Variants in SNTG1 observed in about 807,000 individuals in gnomAD.
The protein encoded by SNTG1 is syntrophin gamma 1, also known as gamma-1-syntrophin.
Under a neutral mutation model 74.7 loss-of-function variants are expected in SNTG1, and 39 were observed. That is an observed-to-expected ratio of 0.52 (90% CI 0.40 to 0.68). The LOEUF (loss-of-function observed/expected upper bound fraction) is 0.68. Among genes scored for constraint, SNTG1 ranks in the 30% least tolerant of loss-of-function variants. SNTG1 has a pLI of 0.00. For synonymous variants in SNTG1, 254 were observed against 217.1 expected, an observed-to-expected ratio of 1.17 and a Z score of -1.49; for missense variants, 685 against 609.5, an observed-to-expected ratio of 1.12 and a Z score of -1.30.
intron 1 of SNTG1, among the ~76,000 whole-genome samples, chr8:50,009,514 G>T (rs1016120253): frequency 2.6e-5 from 4 of 152,060 alleles, no homozygotes; most frequent in Non-Finnish European, 5.9e-5. Context: ...GGGGTTTTGT[G>T]GTGCCGTTTA....
chr8:50,246,881 G>T (rs566301686), intron 2 of SNTG1, among the ~76,000 whole-genome samples: 5 of 152,144 alleles, frequency 3.3e-5, no homozygotes, highest in Non-Finnish European at 7.3e-5. Flanking sequence ...CTTCAATTGT[G>T]CTTTGTCTTC....
chr8:50,329,776 C>A (rs1321738957), intron 2 of SNTG1, among the ~76,000 whole-genome samples: 1 of 152,106 alleles, frequency 6.6e-6, no homozygotes, highest in East Asian at 1.9e-4. Context: ...CTTACTTATG[C>A]AAATTTCTGC....
intron 1 of SNTG1, among the ~76,000 whole-genome samples, chr8:50,111,600 A>G (rs1477736293): frequency 6.6e-6 from 1 of 152,156 alleles, no homozygotes; most frequent in Non-Finnish European, 1.5e-5. Flanking sequence ...CACCAAGTCT[A>G]TGATATTTTA....
At chr8:50,192,909 C>A (rs1324314711) in intron 2 of SNTG1, among the ~76,000 whole-genome samples, 4 of 151,994 alleles carry the variant, frequency 2.6e-5, no homozygotes, top group Admixed American at 2.6e-4. Flanking sequence ...AAAAGGATGT[C>A]CTTTCCCTGT....
At chr8:49,957,485 G>A (rs1265125287) in intron 1 of SNTG1, among the ~76,000 whole-genome samples, 1 of 152,162 alleles carries the variant, frequency 6.6e-6, no homozygotes, top group African/African-American at 2.4e-5. Flanking sequence ...CCTCATGTAG[G>A]GGGGTAAGTG....
At chr8:50,155,175 A>T (rs965314124) in intron 1 of SNTG1, among the ~76,000 whole-genome samples, 1 of 152,238 alleles carries the variant, frequency 6.6e-6, no homozygotes, top group African/African-American at 2.4e-5. Context: ...GAAAGCTCAA[A>T]ATAAAACTAC....
chr8:50,148,182 CAT>C (rs1322098893), intron 1 of SNTG1, among the ~76,000 whole-genome samples: 2 of 151,752 alleles, frequency 1.3e-5, no homozygotes, highest in African/African-American at 4.8e-5. Context: ...ATAAAATAAA[CAT>C]ACATGAATAT....
chr8:50,452,697 A>C (rs2093468335), intron 8 of SNTG1, among the ~76,000 whole-genome samples: 1 of 152,218 alleles, frequency 6.6e-6, no homozygotes. Context: ...CTTCACAATA[A>C]GCTTTTATTT....
At chr8:50,210,570 TATTCAAC>T (rs1709012495) in intron 2 of SNTG1, among the ~76,000 whole-genome samples, 1 of 152,192 alleles carries the variant, frequency 6.6e-6, no homozygotes, top group African/African-American at 2.4e-5. Flanking sequence ...TGGGAGCCAA[TATTCAAC>T]ATTCTTAAAG....
At chr8:50,240,608 G>A (rs976077794) in intron 2 of SNTG1, among the ~76,000 whole-genome samples, 5 of 152,048 alleles carry the variant, frequency 3.3e-5, no homozygotes, top group African/African-American at 7.2e-5. Context: ...CAGGAGAGGC[G>A]GGAAACAAGC....
At chr8:50,541,416 C>T (rs1479689422) in intron 11 of SNTG1, among the ~76,000 whole-genome samples, 2 of 152,190 alleles carry the variant, frequency 1.3e-5, no homozygotes, top group South Asian at 4.1e-4. Context: ...CCCTCTTGCC[C>T]TCCTCCCTCA....
At chr8:50,520,114 C>G (rs1254217313) in intron 9 of SNTG1, among the ~76,000 whole-genome samples, 1 of 152,156 alleles carries the variant, frequency 6.6e-6, no homozygotes, top group Non-Finnish European at 1.5e-5. Context: ...TGGAACAGAA[C>G]TGAGGCCTTA....
At chr8:50,087,606 A>G (rs553009317) in intron 1 of SNTG1, among the ~76,000 whole-genome samples, 27 of 152,210 alleles carry the variant, frequency 1.8e-4, no homozygotes, top group Admixed American at 1.6e-3. Flanking sequence ...AATATATTCT[A>G]CTTAGTTCTG....
At chr8:50,373,770 A>G (rs533207694) in intron 2 of SNTG1, among the ~76,000 whole-genome samples, 19 of 152,234 alleles carry the variant, frequency 1.2e-4, no homozygotes, top group African/African-American at 4.6e-4. Flanking sequence ...TCTTAATTCC[A>G]TATCTGTTCA....
chr8:50,765,432 C>T (rs929767497), intron 18 of SNTG1, among the ~76,000 whole-genome samples: 1 of 151,908 alleles, frequency 6.6e-6, no homozygotes, highest in Non-Finnish European at 1.5e-5. Flanking sequence ...GAGAGGCAAA[C>T]CCAGAGAACT....
At chr8:50,051,308 C>A (rs1041435471) in intron 1 of SNTG1, among the ~76,000 whole-genome samples, 12 of 149,278 alleles carry the variant, frequency 8.0e-5, no homozygotes, top group Non-Finnish European at 1.5e-4. Context: ...AAAAACGTAG[C>A]AAGATAACAG....
intron 1 of SNTG1, among the ~76,000 whole-genome samples, chr8:49,940,460 T>C (rs1808584885): frequency 6.6e-6 from 1 of 152,200 alleles, no homozygotes; most frequent in African/African-American, 2.4e-5. Context: ...CTACCTGCTT[T>C]ATCTCTTAAC....
At chr8:49,927,329 C>A (rs772492420) in intron 1 of SNTG1, among the ~76,000 whole-genome samples, 2 of 152,054 alleles carry the variant, frequency 1.3e-5, no homozygotes, top group African/African-American at 4.8e-5. Context: ...ATTCATAATA[C>A]CAAGCTTGGA....
At chr8:50,510,690 A>C in intron 9 of SNTG1, among the ~76,000 whole-genome samples, 1 of 152,038 alleles carries the variant, frequency 6.6e-6, no homozygotes, top group Non-Finnish European at 1.5e-5. Flanking sequence ...TAGGTTTTCT[A>C]GTTTTTTTGC....
Sources: allele counts gnomAD v4.1 joint callset (sites outside exome capture counted in the v4.1 genomes callset), GRCh38; gene constraint gnomAD v4.1.1; transcripts MANE v1.5; gene names NCBI Gene and HGNC (gene_info 2026-07-23, HGNC 2026-07-21).